RAPGEF4: variants seen among roughly 807,000 people sequenced by gnomAD.
RAPGEF4 encodes the protein RAP guanine-nucleotide-exchange factor (GEF) 4.
In RAPGEF4, 66 loss-of-function variants were observed where a neutral mutation model predicts 147.9. The observed-to-expected ratio is 0.45, with a 90% confidence interval of 0.37 to 0.55. RAPGEF4 has a LOEUF of 0.55. Among genes scored for constraint, RAPGEF4 ranks in the 20% least tolerant of loss-of-function variants. RAPGEF4 has a pLI of 0.00. For missense variants in RAPGEF4, 1,071 were observed against 1,257.3 expected (o/e 0.85, Z 2.24); for synonymous variants, 419 against 442.7 (o/e 0.95, Z 0.67).
chr2:172,963,965 C>G (rs1689564500), intron 8 of RAPGEF4, among the ~76,000 whole-genome samples: 1 of 152,182 alleles, frequency 6.6e-6, no homozygotes, highest in Non-Finnish European at 1.5e-5. Flanking sequence ...ATTCTGACTG[C>G]AAGATTCTTA....
intron 4 of RAPGEF4, among the ~76,000 whole-genome samples, chr2:172,916,218 G>A (rs920154026): frequency 6.6e-6 from 1 of 152,180 alleles, no homozygotes; most frequent in Non-Finnish European, 1.5e-5. Flanking sequence ...AGCTCATGGG[G>A]ATTGACATTA....
At chr2:172,827,881 C>T (rs1232339567) in intron 4 of RAPGEF4, among the ~76,000 whole-genome samples, 4 of 152,174 alleles carry the variant, frequency 2.6e-5, no homozygotes, top group South Asian at 2.1e-4. Context: ...ACTCAGCTCT[C>T]GCTGCTGCCC....
chr2:172,911,041 C>CA (rs577157474), intron 4 of RAPGEF4, among the ~76,000 whole-genome samples: 9 of 152,154 alleles, frequency 5.9e-5, no homozygotes, highest in Non-Finnish European at 1.2e-4. Context: ...ACTGTCTGGC[C>CA]ACGACAGTTC....
chr2:172,967,293 T>G lies in RAPGEF4; in HGVS notation c.853T>G (p.Leu285Val), dbSNP rs1689945915. The change falls in exon 10 of 31, where the codon TTA becomes GTA. Residue 285 changes from leucine (L) to valine (V), a missense_variant. Transcript: ENST00000397081. The part of the protein sequence containing the change: ...DQEHHFQDKY[L>V]FYRFLDDEHE... ...GGAGCACCATTTCCAAGACAAATAT[T>G]TATTCTATCGATTTCTGGATGATGA... 14 of 1,612,272 alleles carry G rather than the reference T, an allele frequency of 8.7e-6. No individual in the cohort carries two copies. The highest frequency in any genetic ancestry group is 1.3e-5 in the African/African-American group (1 of 74,880).
At chr2:172,933,541 A>G (rs1686207511) in intron 6 of RAPGEF4, among the ~76,000 whole-genome samples, 1 of 152,198 alleles carries the variant, frequency 6.6e-6, no homozygotes, top group Non-Finnish European at 1.5e-5. Context: ...AATGATAAAC[A>G]TTAGACTAGA....
chr2:173,023,174 A>T (rs6433385), intron 23 of RAPGEF4, among the ~76,000 whole-genome samples: 2,030 of 152,294 alleles, frequency 0.013, 22 homozygotes, highest in Non-Finnish European at 0.02. Flanking sequence ...GCTTACCTTC[A>T]CCATCTCTTT....
chr2:172,916,405 G>C (rs1198319113), intron 4 of RAPGEF4, among the ~76,000 whole-genome samples: 3 of 152,130 alleles, frequency 2.0e-5, no homozygotes, highest in Admixed American at 6.6e-5. Flanking sequence ...CTCTCTCTGG[G>C]CCTGTTTTGT....
At chr2:172,908,242 A>T (rs1433532370) in intron 4 of RAPGEF4, among the ~76,000 whole-genome samples, 1 of 152,230 alleles carries the variant, frequency 6.6e-6, no homozygotes, top group Non-Finnish European at 1.5e-5. Context: ...CCATAATATA[A>T]AAGTATAAAA....
chr2:172,847,243 G>A (rs2149722108), intron 4 of RAPGEF4, among the ~76,000 whole-genome samples: 1 of 152,266 alleles, frequency 6.6e-6, no homozygotes, highest in South Asian at 2.1e-4. Flanking sequence ...ACTGCTTCCT[G>A]GAACACAAGC....
chr2:172,925,903 AAG>A (rs982486943), intron 6 of RAPGEF4, among the ~76,000 whole-genome samples: 8 of 143,712 alleles, frequency 5.6e-5, no homozygotes, highest in Admixed American at 2.1e-4. Context: ...AGAAAGAAGA[AAG>A]AGAGAAAGAA....
chr2:172,922,218 A>G (rs1043107665), intron 5 of RAPGEF4, 63 bp from the exon 6 acceptor site: 1 of 1,530,380 alleles, frequency 6.5e-7, no homozygotes, highest in African/African-American at 1.4e-5. Context: ...CAAAATTTCA[A>G]TTCCACTTTA....
intron 4 of RAPGEF4, among the ~76,000 whole-genome samples, chr2:172,900,677 A>G (rs964077099): frequency 2.0e-5 from 3 of 152,126 alleles, no homozygotes; most frequent in African/African-American, 4.8e-5. Context: ...TTTCTCTCCT[A>G]TATTTTTCTG....
In RAPGEF4 at chr2:172,996,522, T is replaced by C; in HGVS notation, c.1547T>C (p.Ile516Thr). The C allele has an allele frequency of 1.3e-6, 2 of 1,586,214 alleles. No homozygotes were observed. Among genetic ancestry groups the C allele is most frequent in the South Asian group, 1.2e-5 (1 of 85,410 alleles). The change falls in exon 16 of 31, where the codon ATA (isoleucine) becomes ACA (threonine). Residue 516 changes from isoleucine to threonine, a missense_variant. Physicochemically the swap from Ile to Thr is moderately conservative, Grantham distance 89. Transcript: ENST00000397081. Reference protein sequence around the residue: ...EKILEHFLETIRLEATLNEAT... With the variant: ...EKILEHFLETTRLEATLNEAT... ...ATTTTAGAGCATTTTCTAGAAACAA[T>C]ACGCCTTGAGGCAACTTTAAATGAA...
chr2:172,742,351 A>G (rs1001454156), intron 1 of RAPGEF4, among the ~76,000 whole-genome samples: 3 of 152,028 alleles, frequency 2.0e-5, no homozygotes, highest in Non-Finnish European at 4.4e-5. Flanking sequence ...TCCTTGTAAT[A>G]CATTTCTTGA....
rs544545720 is a variant in RAPGEF4 at position 172,801,938 on chromosome 2, C to A, written c.297+4325C>A. Among the ~76,000 whole-genome samples, 3 of 152,296 alleles carry A rather than the reference C, an allele frequency of 2.0e-5. No homozygotes were observed. In the East Asian group the frequency reaches 5.8e-4, roughly 29 times the overall value. Reference sequence around the variant, plus strand: ...ATCCTCCTCCTACCCTCTCTTTGATCTGGCGATGCACAGTGAAAGGGGTGT... The same window carrying A: ...ATCCTCCTCCTACCCTCTCTTTGATATGGCGATGCACAGTGAAAGGGGTGT... On this transcript the variant is annotated intron_variant, in intron 3 of 30. Coordinates refer to ENST00000397081, the MANE Select transcript of RAPGEF4 (RefSeq NM_007023.4).
At chr2:172,946,033 T>A (rs1687642986) in intron 6 of RAPGEF4, among the ~76,000 whole-genome samples, 1 of 152,302 alleles carries the variant, frequency 6.6e-6, no homozygotes, top group African/African-American at 2.4e-5. Context: ...CCTAAGTTTA[T>A]AGCATATTAA....
At chr2:172,985,616 G>C (rs1323770289) in intron 12 of RAPGEF4, 123 bp downstream of exon 12, 12 of 1,494,976 alleles carry the variant, frequency 8.0e-6, no homozygotes, top group Middle Eastern at 2.0e-4. Context: ...GACTTGGCAG[G>C]GTGTCCTGTG....
At chr2:172,972,212 G>A (rs777277521) in intron 10 of RAPGEF4, among the ~76,000 whole-genome samples, 18 of 152,168 alleles carry the variant, frequency 1.2e-4, no homozygotes, top group South Asian at 4.1e-4. Flanking sequence ...TAGAGGGCGC[G>A]TGAGAGCCTG....
chr2:172,956,179 A>T lies in RAPGEF4; in HGVS notation c.538-4581A>T, dbSNP rs145537615. 8.5e-3 allele frequency among the ~76,000 whole-genome samples: 1,290 copies of T among 152,200 alleles called. 8 individuals are homozygous for T. The highest frequency in any genetic ancestry group is 0.013 in the Non-Finnish European group (892 of 67,996). ...CTCCAGGGTTCCAGCTCCCAGCAGG[A>T]CACCTGGCTCAGGCCCTGGTCATGC... On this transcript the variant is annotated intron_variant, in intron 6 of 30. Transcript: ENST00000397081.
Sources: gnomAD v4.1 joint callset for allele counts (sites outside exome capture counted in the v4.1 genomes callset) on GRCh38, gnomAD v4.1.1 for gene constraint, MANE v1.5 for transcripts, NCBI Gene and HGNC (gene_info 2026-07-23, HGNC 2026-07-21) for gene names.